TMEM37: variants seen among roughly 807,000 people sequenced by gnomAD.
TMEM37 encodes voltage-dependent calcium channel gamma-like subunit.
Under a neutral mutation model 11.0 loss-of-function variants are expected in TMEM37, and 12 were observed. The ratio of observed to expected loss-of-function variants is 1.09; its 90% CI spans 0.70 to 1.76. TMEM37 has a LOEUF of 1.76. TMEM37 is among the 40% of genes most tolerant of loss of function. The pLI is 0.00. For missense variants in TMEM37, 203 were observed against 251.2 expected, an observed-to-expected ratio of 0.81 and a Z score of 1.30; for synonymous variants, 127 against 110.5, an observed-to-expected ratio of 1.15 and a Z score of -0.94.
In TMEM37 at chr2:119,437,924, CTT is replaced by C. The variant is rs773957662; in HGVS notation, c.*486_*487del. ...CTAAGGGTCCAATCAGTGCCTAGGA[CTT>C]TCTTCCACCAGCTCAAAGGGCCTTC... is the stretch of plus-strand genomic sequence containing the variant. On this transcript the variant is annotated 3_prime_UTR_variant, in exon 2 of 2. Coordinates refer to ENST00000306406, the MANE Select transcript of TMEM37 (RefSeq NM_183240.3). 0.011 allele frequency: 280 copies of C among 25,136 alleles called. 1 individual carries two copies. Among genetic ancestry groups the C allele is most frequent in the Non-Finnish European group, 0.027 (195 of 7,316 alleles). 1.6% of individuals were successfully genotyped at this position (25,136 alleles called of 1,614,324 possible). A position where few individuals can be genotyped will look rare whatever the true frequency, so the allele number is the denominator to read the frequency against.
upstream of TMEM37, chr2:119,430,382 A>C (rs1682370562): frequency 2.1e-6 from 1 of 480,914 alleles, no homozygotes; most frequent in Non-Finnish European, 4.3e-6. Context: ...GCAAGAACTC[A>C]AACCTGGACT....
chr2:119,432,391 G>GGAAGA (rs1408347162), intron 1 of TMEM37: 1 of 153,676 alleles, frequency 6.5e-6, no homozygotes, highest in Non-Finnish European at 1.4e-5. Context: ...GTGGAGGTTA[G>GGAAGA]GAAGACCGTC....
At chr2:119,436,851 G>A in intron 1 of TMEM37, 38 bp from the exon 2 acceptor site, 1 of 1,552,086 alleles carries the variant, frequency 6.4e-7, no homozygotes, top group Non-Finnish European at 8.8e-7. Flanking sequence ...GCGTGGCAGG[G>A]CTGTGGCTGA....
chr2:119,438,355 AG>A lies in TMEM37; in HGVS notation c.*920del, dbSNP rs1223493178. On this transcript the variant is annotated 3_prime_UTR_variant, in exon 2 of 2. Coordinates refer to ENST00000306406, the MANE Select transcript of TMEM37 (RefSeq NM_183240.3). Reference sequence around the variant, plus strand: ...CGTATCTAGACCTGCTGGACTCTGCAGGGGGTGAGGGGGAACAGCGAGAGCT... The same window carrying A: ...CGTATCTAGACCTGCTGGACTCTGCAGGGGTGAGGGGGAACAGCGAGAGCT... The A allele has an allele frequency of 6.6e-6, 1 of 152,330 alleles. No individual in the cohort carries two copies. The highest frequency in any genetic ancestry group is 2.1e-4 in the South Asian group (1 of 4,818). 9.4% of individuals were successfully genotyped at this position (152,330 alleles called of 1,614,324 possible).
At position 119,437,131 on chromosome 2, in the gene TMEM37, G is replaced by A; in HGVS notation, c.264G>A (p.Met88Ile). The part of the protein sequence containing the change: ...QAHVPGLAVG[M>I]GLVRSVGALA... The stretch of plus-strand genomic sequence containing the variant: ...ATGTGCCCGGGCTGGCCGTGGGCAT[G>A]GGCCTGGTACGCAGCGTGGGCGCCT... The change falls in exon 2 of 2, where the codon ATG (methionine) becomes ATA (isoleucine). Residue 88 changes from methionine to isoleucine, a missense_variant. Coordinates refer to ENST00000306406, the MANE Select transcript of TMEM37 (RefSeq NM_183240.3). 1 of 1,614,194 alleles carries A rather than the reference G, an allele frequency of 6.2e-7. No homozygotes were observed. Among genetic ancestry groups the A allele is most frequent in the Non-Finnish European group, 8.5e-7 (1 of 1,180,020 alleles).
chr2:119,431,195 A>G (rs1199663437), upstream of TMEM37, among the ~76,000 whole-genome samples: 1 of 152,182 alleles, frequency 6.6e-6, no homozygotes, highest in Non-Finnish European at 1.5e-5. Flanking sequence ...GTGGAGAAAA[A>G]ATAACCACAT....
At chr2:119,436,500 C>T (rs2587660) in intron 1 of TMEM37, among the ~76,000 whole-genome samples, 95,072 of 151,744 alleles carry the variant, frequency 0.63, 30,212 homozygotes, top group Non-Finnish European at 0.69. Context: ...TCTGCCAGGC[C>T]GTATTCTTGT....
upstream of TMEM37, chr2:119,430,202 G>A: frequency 1.6e-6 from 1 of 641,738 alleles, no homozygotes; most frequent in Non-Finnish European, 2.9e-6. Flanking sequence ...GAGGCACCAG[G>A]CTGGCTGAGC....
upstream of TMEM37, among the ~76,000 whole-genome samples, chr2:119,430,859 G>C (rs1442140838): frequency 6.6e-6 from 1 of 152,134 alleles, no homozygotes; most frequent in Non-Finnish European, 1.5e-5. Flanking sequence ...AGATCCGGCC[G>C]GATGCGGTGG....
chr2:119,432,294 G>T (rs1682417713), intron 1 of TMEM37: 2 of 211,292 alleles, frequency 9.5e-6, no homozygotes, highest in East Asian at 1.9e-4. Context: ...AATGAGGCGC[G>T]TCTGGGGTGG....
chr2:119,431,797 G>C, upstream of TMEM37: 57 of 676,866 alleles, frequency 8.4e-5, no homozygotes, highest in South Asian at 1.4e-4. Flanking sequence ...CGCCCCGCCC[G>C]CCTCCAGCAG....
intron 1 of TMEM37, 40 bp downstream of exon 1, chr2:119,431,964 C>T (rs1331571116): frequency 1.7e-6 from 2 of 1,203,164 alleles, no homozygotes; most frequent in Non-Finnish European, 2.1e-6. Flanking sequence ...GGGGTGCTGC[C>T]CCGCCGTGGG....
chr2:119,437,026 T>C lies in TMEM37; in HGVS notation c.159T>C (p.Ala53=). The C allele has an allele frequency of 1.9e-6, 3 of 1,614,210 alleles. No individual in the cohort carries two copies. The highest frequency in any genetic ancestry group is 2.2e-5 in the East Asian group (1 of 44,862). ...VSICDGHWLL[A]EDRLFGLWHF... ...TTTGTGATGGGCACTGGCTCCTGGCTGAGGACCGCCTCTTCGGGCTCTGGC... is the reference window on the plus strand; with the variant it reads ...TTTGTGATGGGCACTGGCTCCTGGCCGAGGACCGCCTCTTCGGGCTCTGGC... Residue 53 remains alanine, a synonymous_variant, in exon 2 of 2, where the codon GCT becomes GCC. Transcript: ENST00000306406.
At chr2:119,432,104 C>A in intron 1 of TMEM37, 180 bp downstream of exon 1, 1 of 400,008 alleles carries the variant, frequency 2.5e-6, no homozygotes, top group Non-Finnish European at 4.3e-6. Context: ...GGGCGGGGAG[C>A]AACCTCGGGG....
At chr2:119,430,193 A>G (rs879709216), upstream of TMEM37, 4 of 641,316 alleles carry the variant, frequency 6.2e-6, no homozygotes, top group Admixed American at 7.0e-5. Context: ...CAGAGCAGAG[A>G]GGCACCAGGC....
chr2:119,432,818 T>G (rs1682430561), intron 1 of TMEM37, among the ~76,000 whole-genome samples: 1 of 152,168 alleles, frequency 6.6e-6, no homozygotes. Context: ...GTGCCCTCCG[T>G]GGCTGGCCAA....
At chr2:119,429,923 G>A (rs113763967), upstream of TMEM37, 1,798 of 1,550,482 alleles carry the variant, frequency 1.2e-3, 15 homozygotes, top group African/African-American at 0.021. Flanking sequence ...GGCAGTGGGT[G>A]CAGATGACCC....
At chr2:119,430,167 C>T, upstream of TMEM37, 1 of 639,494 alleles carries the variant, frequency 1.6e-6, no homozygotes, top group South Asian at 1.9e-5. Context: ...AGGTGGGGGC[C>T]ACGGAGGGAA....
At chr2:119,430,430 G>T (rs1353598386), upstream of TMEM37, 1 of 474,482 alleles carries the variant, frequency 2.1e-6, no homozygotes, top group Admixed American at 2.3e-5. Context: ...CTCTCCAGTG[G>T]ACTCAATGTG....
Sources: allele counts gnomAD v4.1 joint callset (sites outside exome capture counted in the v4.1 genomes callset), GRCh38; gene constraint gnomAD v4.1.1; transcripts MANE v1.5; gene names NCBI Gene and HGNC (gene_info 2026-07-23, HGNC 2026-07-21).